DGKD: variants seen among roughly 807,000 people sequenced by gnomAD.
DGKD encodes the protein diacylglycerol kinase delta, also known as DAG kinase delta.
In DGKD, 68 loss-of-function variants were observed where a neutral mutation model predicts 154.4. The observed-to-expected ratio is 0.44, with a 90% CI of 0.36 to 0.54. The LOEUF is 0.54. Among genes scored for constraint, DGKD ranks in the 20% least tolerant of loss-of-function variants. The probability of loss-of-function intolerance (pLI) is 0.00; values close to 1 mark genes in which losing one functional copy is unlikely to be tolerated. For synonymous variants in DGKD, 693 were observed against 638.0 expected (o/e 1.09, Z -1.30); for missense variants, 1,343 against 1,593.6 (o/e 0.84, Z 2.68).
rs1026122131 is a variant in DGKD, at chr2:233,471,113, CCT to C, written c.*1657_*1658del. On this transcript the variant is annotated 3_prime_UTR_variant, in exon 30 of 30. Coordinates refer to ENST00000264057, the MANE Select transcript of DGKD (RefSeq NM_152879.3). ...CCCTCTGCGTGCCTTTGGGTGCTCC[CCT>C]CTCGTGGTCGTTCTGGCCCGAGGCC... The C allele has an allele frequency of 5.9e-5, 9 of 152,440 alleles. No individual in the cohort carries two copies. Among genetic ancestry groups the C allele is most frequent in the African/African-American group, 2.2e-4 (9 of 41,468 alleles). 9.4% of individuals were successfully genotyped at this position (152,440 alleles called of 1,614,324 possible).
At chr2:233,432,637 G>C (rs892448447) in intron 3 of DGKD, among the ~76,000 whole-genome samples, 1 of 152,040 alleles carries the variant, frequency 6.6e-6, no homozygotes, top group Non-Finnish European at 1.5e-5. Context: ...CCAGCCTGGG[G>C]GACAGAGTGA....
chr2:233,464,013 C>G, intron 26 of DGKD, 151 bp from the exon 27 acceptor site: 1 of 1,116,040 alleles, frequency 9.0e-7, no homozygotes, highest in Non-Finnish European at 1.2e-6. Context: ...GGTTTGGTTC[C>G]TTTTCTGGTG....
Position 233,460,434 on chromosome 2 carries a change from C to T in DGKD, c.2981+89C>T, listed in dbSNP as rs549641740. ...CCAAGGCCCCTGGGGCGTGGAGCTG[C>T]TGCTCCTGACTTTTGTGGGGTCTGC... is the stretch of plus-strand genomic sequence containing the variant. On this transcript the variant is annotated intron_variant, in intron 24 of 29. Transcript: ENST00000264057. The T allele has an allele frequency of 1.3e-5, 19 of 1,499,970 alleles. No individual in the cohort carries two copies. The African/African-American group carries it at 1.4e-4, about 11-fold the overall frequency. 92.9% of individuals were successfully genotyped at this position (1,499,970 alleles called of 1,614,324 possible). A position where few individuals can be genotyped will look rare whatever the true frequency, so the allele number is the denominator to read the frequency against.
rs2062853364 is a variant in DGKD at position 233,440,598 on chromosome 2, T to G, written c.1086-1289T>G. On this transcript the variant is annotated intron_variant, in intron 9 of 29. Coordinates refer to ENST00000264057, the MANE Select transcript of DGKD (RefSeq NM_152879.3). The surrounding 1 kb of genome is among the most constrained non-coding windows in gnomAD (Gnocchi z 4.9). ...GAAGGCTGCAGGGAGGCGGGAGGCT[T>G]CTGGGCTGAGGGCACCGCTTGTGCA... Among the ~76,000 whole-genome samples, 1 of 152,076 alleles carries G rather than the reference T, an allele frequency of 6.6e-6. No homozygotes were observed. Among genetic ancestry groups the G allele is most frequent in the African/African-American group, 2.4e-5 (1 of 41,398 alleles).
chr2:233,367,268 G>T (rs1466041406), intron 1 of DGKD, among the ~76,000 whole-genome samples: 1 of 149,328 alleles, frequency 6.7e-6, no homozygotes, highest in Non-Finnish European at 1.5e-5. Flanking sequence ...TCACTCTGTC[G>T]CCCAGACTGG....
At chr2:233,373,809 T>C (rs893650926) in intron 1 of DGKD, among the ~76,000 whole-genome samples, 2 of 147,658 alleles carry the variant, frequency 1.4e-5, no homozygotes, top group African/African-American at 2.6e-5. Context: ...ATGTAAACTG[T>C]TTGATGCGTG....
At chr2:233,415,073 A>C (rs749232586) in intron 3 of DGKD, among the ~76,000 whole-genome samples, 7 of 152,176 alleles carry the variant, frequency 4.6e-5, no homozygotes. Flanking sequence ...CTACAGGTAC[A>C]TGCTGGACCC....
At chr2:233,373,573 G>A (rs560859255) in intron 1 of DGKD, among the ~76,000 whole-genome samples, 15 of 152,176 alleles carry the variant, frequency 9.9e-5, no homozygotes, top group African/African-American at 3.1e-4. Context: ...GATACTGTTG[G>A]ATCAAAACAG....
chr2:233,446,662 T>C (rs777869562), intron 11 of DGKD, 50 bp from the exon 12 acceptor site: 3 of 1,591,622 alleles, frequency 1.9e-6, no homozygotes, highest in East Asian at 2.2e-5. Context: ...GGGTTCACCC[T>C]TGTGGGCCTG....
chr2:233,434,688 T>G (rs2062632058), intron 4 of DGKD, 81 bp from the exon 5 acceptor site: 1 of 1,564,908 alleles, frequency 6.4e-7, no homozygotes, highest in Non-Finnish European at 8.7e-7. Context: ...TTGGATACTT[T>G]GTTTAATCTT....
At position 233,449,420 on chromosome 2, in the gene DGKD, C is replaced by T. The variant is rs769557812; in HGVS notation, c.1888+44C>T. 24 of 1,558,808 alleles carry T rather than the reference C, an allele frequency of 1.5e-5. No homozygotes were observed. Among genetic ancestry groups the T allele is most frequent in the East Asian group, 2.3e-5 (1 of 43,850 alleles). On this transcript the variant is annotated intron_variant, in intron 15 of 29. Transcript: ENST00000264057. This position sits in a 1 kb window ranked among gnomAD's most constrained non-coding sequence, Gnocchi z 5.3. ...AGGAGGGGCTTTCCTCAGGCCAGCA[C>T]TGGGCATGCCCAGCGTCCCCTGAAC...
rs3762590 is a variant in DGKD, at chr2:233,386,007, G to A, written c.157-2250G>A. The A allele has an allele frequency of 2.2e-5, 10 of 463,498 alleles. No homozygotes were observed. The East Asian group carries it at 6.3e-4, about 29-fold the overall frequency. 28.7% of individuals were successfully genotyped at this position (463,498 alleles called of 1,614,324 possible). ...ATTGTGCGTGTGCGTGTGTGTGCGT[G>A]TGTGTAAGTATGTGGTGCAGTGAGT... is the stretch of plus-strand genomic sequence containing the variant. On this transcript the variant is annotated intron_variant, in intron 1 of 29. Coordinates refer to ENST00000264057, the MANE Select transcript of DGKD (RefSeq NM_152879.3).
intron 3 of DGKD, among the ~76,000 whole-genome samples, chr2:233,406,190 C>G (rs755083618): frequency 1.0e-4 from 15 of 150,424 alleles, no homozygotes; most frequent in Non-Finnish European, 1.9e-4. Flanking sequence ...TTTTCTTAAA[C>G]AGACACCTGT....
chr2:233,467,226 T>G, intron 28 of DGKD, 23 bp downstream of exon 28: 1 of 1,556,650 alleles, frequency 6.4e-7, no homozygotes, highest in Non-Finnish European at 8.9e-7. Flanking sequence ...CTCCCGCGTG[T>G]GTTTCTGGCC....
chr2:233,461,018 TA>T (rs750014036), intron 24 of DGKD, among the ~76,000 whole-genome samples: 7,097 of 137,492 alleles, frequency 0.052, 373 homozygotes, highest in African/African-American at 0.14. Context: ...AAGTTTACTT[TA>T]AAAAAAAAAA....
chr2:233,450,228 T>C, intron 16 of DGKD, 97 bp downstream of exon 16: 1 of 1,414,336 alleles, frequency 7.1e-7, no homozygotes, highest in Non-Finnish European at 9.4e-7. Context: ...CACTTTCTCA[T>C]AGTTGCTTTG....
At position 233,458,539 on chromosome 2, in the gene DGKD, G is replaced by T; in HGVS notation, c.2694+142G>T. 3.8e-6 allele frequency: 2 copies of T among 528,352 alleles called. No homozygotes were observed. Among genetic ancestry groups the T allele is most frequent in the South Asian group, 6.8e-5 (2 of 29,374 alleles). 32.7% of individuals were successfully genotyped at this position (528,352 alleles called of 1,614,324 possible). A position where few individuals can be genotyped will look rare whatever the true frequency, so the allele number is the denominator to read the frequency against. On this transcript the variant is annotated intron_variant, in intron 22 of 29. Transcript: ENST00000264057. This position sits in a 1 kb window ranked among gnomAD's most constrained non-coding sequence, Gnocchi z 6.6. ...CATGTCCTGTCCTGGACAGCTCGTG[G>T]CCCCACTTCCTGGGCCAGAGCCCTT...
intron 3 of DGKD, among the ~76,000 whole-genome samples, chr2:233,394,995 C>G (rs1253753801): frequency 6.6e-6 from 1 of 152,016 alleles, no homozygotes; most frequent in African/African-American, 2.4e-5. Context: ...AGCCGATGTG[C>G]CTTGCCTAGA....
At chr2:233,368,690 C>G (rs1290858903) in intron 1 of DGKD, among the ~76,000 whole-genome samples, 4 of 152,168 alleles carry the variant, frequency 2.6e-5, no homozygotes, top group Admixed American at 6.5e-5. Context: ...CCTAAACCCC[C>G]ACACCCACCC....
Sources: gnomAD v4.1 joint callset for allele counts (sites outside exome capture counted in the v4.1 genomes callset) on GRCh38, gnomAD v4.1.1 for gene constraint, Gnocchi (gnomAD v3.1) non-coding constraint, MANE v1.5 for transcripts, NCBI Gene and HGNC (gene_info 2026-07-23, HGNC 2026-07-21) for gene names.